The following ARMH4 variants were observed in gnomAD, a reference collection of about 807,000 sequenced individuals.
ARMH4 encodes the protein armadillo-like helical domain-containing protein 4.
A neutral mutation model predicts 61.9 loss-of-function variants in ARMH4; 49 were observed. The ratio of observed to expected loss-of-function variants is 0.79; its 90% CI spans 0.63 to 1.00. The LOEUF is 1.00. ARMH4 is among the 50% of genes least tolerant of loss of function. ARMH4 has a pLI of 0.00. For missense variants in ARMH4, 934 were observed against 930.0 expected (o/e 1.00, Z -0.06); for synonymous variants, 368 against 341.5 (o/e 1.08, Z -0.85).
chr14:58,081,945 G>GA (rs201959139), intron 5 of ARMH4, among the ~76,000 whole-genome samples: 200 of 142,562 alleles, frequency 1.4e-3, no homozygotes, highest in African/African-American at 3.8e-3. Flanking sequence ...CCTGGGAAGG[G>GA]AAAAAAAAAA....
chr14:58,048,987 C>T (rs921786241), intron 5 of ARMH4, among the ~76,000 whole-genome samples: 1 of 152,080 alleles, frequency 6.6e-6, no homozygotes, highest in South Asian at 2.1e-4. Flanking sequence ...CCTGTAATCC[C>T]AGCACTTTGG....
intron 5 of ARMH4, among the ~76,000 whole-genome samples, chr14:58,031,213 C>T (rs573107376): frequency 3.3e-5 from 5 of 152,226 alleles, no homozygotes; most frequent in African/African-American, 9.6e-5. Context: ...ATAATTAAAT[C>T]CCAAAGCTCT....
At chr14:58,101,635 T>C (rs916838307) in intron 4 of ARMH4, 5 of 152,022 alleles carry the variant, frequency 3.3e-5, no homozygotes, top group African/African-American at 9.7e-5. Flanking sequence ...CTAAAATTAC[T>C]TGGGTTTTTT....
At position 58,139,035 on chromosome 14, in the gene ARMH4, G is replaced by A; in HGVS notation, c.324C>T (p.Arg108=). Residue 108 remains arginine, a synonymous_variant, in exon 2 of 8, where the codon CGC becomes CGT. Transcript: ENST00000267485. ...ACTCAGTAGGTGTGGAAACACCAGG[G>A]CGTTCTGTTTGCATGAGCCCAGCTT... ...PGQAGLMQTE[R]PGVSTPTESG... is the part of the protein sequence containing the mutation. The A allele has an allele frequency of 2.5e-6, 4 of 1,614,212 alleles. No individual in the cohort carries two copies. Among genetic ancestry groups the A allele is most frequent in the Non-Finnish European group, 3.4e-6 (4 of 1,180,040 alleles).
At chr14:58,090,743 G>C (rs1885527256) in intron 5 of ARMH4, among the ~76,000 whole-genome samples, 1 of 151,842 alleles carries the variant, frequency 6.6e-6, no homozygotes, top group Admixed American at 6.6e-5. Flanking sequence ...GCTGGGCTGT[G>C]GTGGTGTGTG....
At chr14:58,005,327 C>T (rs568670368) in intron 6 of ARMH4, 145 bp from the exon 7 acceptor site, 3 of 1,026,692 alleles carry the variant, frequency 2.9e-6, no homozygotes, top group Non-Finnish European at 4.2e-6. Context: ...GCCTAAAATA[C>T]AGTAACTTTT....
intron 5 of ARMH4, among the ~76,000 whole-genome samples, chr14:58,095,687 G>A (rs1281389636): frequency 1.3e-5 from 2 of 152,074 alleles, no homozygotes; most frequent in Non-Finnish European, 1.5e-5. Context: ...ATATTACACA[G>A]GAAATCCCAG....
At chr14:58,078,422 C>G (rs572761730) in intron 5 of ARMH4, among the ~76,000 whole-genome samples, 2 of 152,310 alleles carry the variant, frequency 1.3e-5, no homozygotes, top group South Asian at 4.1e-4. Flanking sequence ...GCAGCCACCT[C>G]CCCACACAAA....
At chr14:58,150,230 T>C (rs540045104) in intron 1 of ARMH4, among the ~76,000 whole-genome samples, 1 of 152,254 alleles carries the variant, frequency 6.6e-6, no homozygotes, top group Non-Finnish European at 1.5e-5. Context: ...ACTTCTCTTA[T>C]AATCACCAAG....
chr14:58,097,688 T>A (rs936479947), intron 4 of ARMH4, among the ~76,000 whole-genome samples: 4 of 149,370 alleles, frequency 2.7e-5, no homozygotes, highest in African/African-American at 4.9e-5. Context: ...TTGATTTTTT[T>A]TTTTTTATTT....
chr14:58,080,613 G>C (rs950605070), intron 5 of ARMH4, among the ~76,000 whole-genome samples: 1 of 152,102 alleles, frequency 6.6e-6, no homozygotes, highest in African/African-American at 2.4e-5. Context: ...GGGAGACAAG[G>C]GCTGAAAAAC....
chr14:58,062,339 C>T lies in ARMH4; in HGVS notation c.2089+34385G>A, dbSNP rs112562218. ...GAGTGACAGAGTAAGACTCTGCCTC[C>T]TGTCCCCCAAATAAAGAAGAGCAAA... On this transcript the variant is annotated intron_variant, in intron 5 of 7. Coordinates refer to ENST00000267485, the MANE Select transcript of ARMH4 (RefSeq NM_001001872.4). Among the ~76,000 whole-genome samples, 885 of 152,234 alleles carry T rather than the reference C, an allele frequency of 5.8e-3. 11 individuals are homozygous for T. Among genetic ancestry groups the T allele is most frequent in the African/African-American group, 0.02 (819 of 41,538 alleles).
intron 5 of ARMH4, among the ~76,000 whole-genome samples, chr14:58,063,239 G>A (rs1884590024): frequency 6.6e-6 from 1 of 152,150 alleles, no homozygotes; most frequent in East Asian, 1.9e-4. Flanking sequence ...CTGCATGTCT[G>A]TGTCTGTGTC....
intron 5 of ARMH4, among the ~76,000 whole-genome samples, chr14:58,050,683 C>T (rs1172216674): frequency 6.6e-6 from 1 of 151,546 alleles, no homozygotes; most frequent in Non-Finnish European, 1.5e-5. Flanking sequence ...AAACACATAA[C>T]ATTTATGTAA....
At position 58,002,825 on chromosome 14, in the gene ARMH4, G is replaced by T. The variant is rs1199275871; in HGVS notation, c.*1911C>A. 1 of 152,182 alleles carries T rather than the reference G, an allele frequency of 6.6e-6. No individual in the cohort carries two copies. Among genetic ancestry groups the T allele is most frequent in the Non-Finnish European group, 1.5e-5 (1 of 68,022 alleles). 9.4% of individuals were successfully genotyped at this position (152,182 alleles called of 1,614,324 possible). On this transcript the variant is annotated 3_prime_UTR_variant, in exon 8 of 8. Coordinates refer to ENST00000267485, the MANE Select transcript of ARMH4 (RefSeq NM_001001872.4). ...AATTCTATTTTTAAAATCTGACCTT[G>T]AGCTAATTTGCCAGTTGCTAACTTC...
At chr14:58,024,794 T>C (rs914005813) in intron 5 of ARMH4, among the ~76,000 whole-genome samples, 2 of 152,104 alleles carry the variant, frequency 1.3e-5, no homozygotes, top group African/African-American at 2.4e-5. Context: ...TTGTTTTGTC[T>C]CAGGGAATAG....
intron 5 of ARMH4, among the ~76,000 whole-genome samples, chr14:58,046,935 A>G (rs1302743150): frequency 6.6e-6 from 1 of 152,228 alleles, no homozygotes; most frequent in African/African-American, 2.4e-5. Flanking sequence ...AAATTCCTAA[A>G]TTAAGTAAAA....
intron 4 of ARMH4, among the ~76,000 whole-genome samples, chr14:58,116,802 A>T (rs935610817): frequency 2.0e-5 from 3 of 152,230 alleles, no homozygotes; most frequent in Admixed American, 2.0e-4. Flanking sequence ...ACCGATTTAC[A>T]TAAGTACCTT....
chr14:58,004,733 A>C lies in ARMH4; in HGVS notation c.*3T>G, dbSNP rs757580653. The C allele has an allele frequency of 1.2e-6, 2 of 1,603,234 alleles. No individual in the cohort carries two copies. Among genetic ancestry groups the C allele is most frequent in the South Asian group, 2.2e-5 (2 of 90,602 alleles). ...GAATATCCCAATTAAAACCCAGTCC[A>C]ATTCAAAATTCATCTTCAGAGCTGT... is the stretch of plus-strand genomic sequence containing the variant. On this transcript the variant is annotated 3_prime_UTR_variant, in exon 8 of 8. Transcript: ENST00000267485.
Sources: allele counts gnomAD v4.1 joint callset (sites outside exome capture counted in the v4.1 genomes callset), GRCh38; gene constraint gnomAD v4.1.1; transcripts MANE v1.5; gene names NCBI Gene and HGNC (gene_info 2026-07-23, HGNC 2026-07-21).